Variants in TGFBR3 observed in about 807,000 individuals in gnomAD.
The protein encoded by TGFBR3 is transforming growth factor beta receptor 3, also known as transforming growth factor beta receptor type 3.
In TGFBR3, 46 loss-of-function variants were observed where a neutral mutation model predicts 87.9. That is an observed-to-expected ratio of 0.52 (90% confidence interval 0.41 to 0.67). TGFBR3 has a LOEUF of 0.67. Among genes scored for constraint, TGFBR3 ranks in the 30% least tolerant of loss-of-function variants. The pLI, the probability that TGFBR3 is intolerant of heterozygous loss-of-function variation, is 0.00. For missense variants in TGFBR3, 866 were observed against 1,041.9 expected, an observed-to-expected ratio of 0.83 and a Z score of 2.32; for synonymous variants, 381 against 391.6, an observed-to-expected ratio of 0.97 and a Z score of 0.32.
intron 2 of TGFBR3, among the ~76,000 whole-genome samples, chr1:91,856,914 T>C (rs1248776421): frequency 6.6e-6 from 1 of 152,230 alleles, no homozygotes; most frequent in East Asian, 1.9e-4. Flanking sequence ...AGAGCCAAAC[T>C]GCCAGGTTCA....
intron 2 of TGFBR3, among the ~76,000 whole-genome samples, chr1:91,898,302 G>A (rs1679596139): frequency 6.6e-6 from 1 of 152,128 alleles, no homozygotes; most frequent in African/African-American, 2.4e-5. Flanking sequence ...GATGCTATTA[G>A]TATGAATGTG....
chr1:91,692,073 A>C (rs1013581519), intron 16 of TGFBR3, among the ~76,000 whole-genome samples: 12 of 152,176 alleles, frequency 7.9e-5, no homozygotes, highest in Non-Finnish European at 1.6e-4. Context: ...AATTAATTCT[A>C]GGGAAAATTA....
chr1:91,899,675 C>T (rs1467552230), exon 2 of TGFBR3: 1 of 152,244 alleles, frequency 6.6e-6, no homozygotes, highest in South Asian at 2.1e-4. Flanking sequence ...TGCCGTCCCT[C>T]TGATGTTGTG....
At chr1:91,696,455 G>A (rs949631001) in intron 15 of TGFBR3, among the ~76,000 whole-genome samples, 5 of 152,116 alleles carry the variant, frequency 3.3e-5, no homozygotes, top group Admixed American at 3.3e-4. Flanking sequence ...TAAGGGGAAC[G>A]GAAATACTTC....
chr1:91,755,999 A>T (rs1673728196), intron 4 of TGFBR3, among the ~76,000 whole-genome samples: 1 of 152,210 alleles, frequency 6.6e-6, no homozygotes, highest in Non-Finnish European at 1.5e-5. Context: ...TTTATATGTG[A>T]TCTCACTTAC....
chr1:91,901,099 A>ACATTCC (rs1679709501), intron 1 of TGFBR3, among the ~76,000 whole-genome samples: 1 of 152,188 alleles, frequency 6.6e-6, no homozygotes. Flanking sequence ...GCACCATTTT[A>ACATTCC]CATTCCCACT....
chr1:91,833,460 CAAAAAAAAAAAAA>C (rs33936360), intron 2 of TGFBR3, among the ~76,000 whole-genome samples: 13 of 37,150 alleles, frequency 3.5e-4, no homozygotes, highest in East Asian at 3.2e-3. Flanking sequence ...AGCTCTGTCT[CAAAAAAAAAAAAA>C]AAAAAAAAAA....
At chr1:91,742,035 T>A (rs1305902408) in intron 4 of TGFBR3, among the ~76,000 whole-genome samples, 1 of 152,186 alleles carries the variant, frequency 6.6e-6, no homozygotes, top group African/African-American at 2.4e-5. Context: ...GAACACATCA[T>A]GCTGCCACAC....
chr1:91,833,779 CAA>C (rs34182358), intron 2 of TGFBR3, among the ~76,000 whole-genome samples: 97 of 136,666 alleles, frequency 7.1e-4, no homozygotes, highest in Non-Finnish European at 8.4e-4. Context: ...GACTTCATCT[CAA>C]AAAAAAAAAA....
At chr1:91,732,324 A>G (rs1176368959) in intron 5 of TGFBR3, among the ~76,000 whole-genome samples, 1 of 152,186 alleles carries the variant, frequency 6.6e-6, no homozygotes, top group Non-Finnish European at 1.5e-5. Flanking sequence ...AACGTCAGCA[A>G]GCATCAGATC....
chr1:91,903,931 T>G (rs111524399), intron 1 of TGFBR3, among the ~76,000 whole-genome samples: 7 of 152,154 alleles, frequency 4.6e-5, no homozygotes, highest in African/African-American at 1.7e-4. Flanking sequence ...CCTAGCACTT[T>G]GGGAGGCCTA....
intron 2 of TGFBR3, among the ~76,000 whole-genome samples, chr1:91,891,491 C>T (rs1439935093): frequency 6.7e-6 from 1 of 149,416 alleles, no homozygotes; most frequent in Non-Finnish European, 1.5e-5. Context: ...GAACTGAGAT[C>T]TGTCTCAAAG....
At chr1:91,712,973 G>A (rs968379632) in intron 12 of TGFBR3, among the ~76,000 whole-genome samples, 4 of 152,188 alleles carry the variant, frequency 2.6e-5, no homozygotes, top group Admixed American at 6.5e-5. Context: ...CCAAAAAATA[G>A]AGTTCAGCGG....
At chr1:91,736,429 C>A (rs1210417242) in intron 4 of TGFBR3, among the ~76,000 whole-genome samples, 1 of 143,022 alleles carries the variant, frequency 7.0e-6, no homozygotes, top group African/African-American at 2.6e-5. Context: ...AAGCTACTCA[C>A]AACAGCTACC....
chr1:91,772,800 T>C (rs1674428701), intron 3 of TGFBR3, among the ~76,000 whole-genome samples: 1 of 152,226 alleles, frequency 6.6e-6, no homozygotes, highest in Non-Finnish European at 1.5e-5. Flanking sequence ...TGGCAAGACC[T>C]ACCAATACAA....
intron 14 of TGFBR3, among the ~76,000 whole-genome samples, chr1:91,701,709 A>G (rs1671624666): frequency 1.3e-5 from 2 of 152,232 alleles, no homozygotes; most frequent in Middle Eastern, 3.4e-3. Flanking sequence ...TCAATTTGGT[A>G]CTAGGCACCA....
intron 14 of TGFBR3, among the ~76,000 whole-genome samples, chr1:91,698,691 A>G (rs1306765552): frequency 1.3e-5 from 2 of 152,016 alleles, no homozygotes; most frequent in East Asian, 3.9e-4. Context: ...TTGTAAAGAC[A>G]GGATTTCACC....
chr1:91,762,056 T>C (rs1571483845), intron 3 of TGFBR3, among the ~76,000 whole-genome samples: 1 of 152,334 alleles, frequency 6.6e-6, no homozygotes, highest in East Asian at 1.9e-4. Flanking sequence ...TTAACAGCTT[T>C]GTCTATGGGC....
At chr1:91,688,688 A>G (rs1332397521) in intron 16 of TGFBR3, among the ~76,000 whole-genome samples, 2 of 152,184 alleles carry the variant, frequency 1.3e-5, no homozygotes, top group African/African-American at 4.8e-5. Context: ...CCAACTCATC[A>G]GGCAGTTTTC....
Sources: gnomAD v4.1 joint callset for allele counts (sites outside exome capture counted in the v4.1 genomes callset) on GRCh38, gnomAD v4.1.1 for gene constraint, MANE v1.5 for transcripts, NCBI Gene and HGNC (gene_info 2026-07-23, HGNC 2026-07-21) for gene names.